Variants in ZNHIT6 observed in about 807,000 individuals in gnomAD.
The protein encoded by ZNHIT6 is zinc finger HIT-type containing 6, also known as box C/D snoRNA protein 1.
Under a neutral mutation model 57.2 loss-of-function variants are expected in ZNHIT6, and 45 were observed. The observed-to-expected ratio is 0.79, with a 90% confidence interval of 0.62 to 1.01. The LOEUF (loss-of-function observed/expected upper bound fraction) is 1.01, where lower values mean the gene tolerates loss of function less well. ZNHIT6 is among the 50% of genes least tolerant of loss of function. ZNHIT6 has a pLI of 0.00. For synonymous variants in ZNHIT6, 188 were observed against 190.0 expected (o/e 0.99, Z 0.09); for missense variants, 528 against 567.3 (o/e 0.93, Z 0.70).
chr1:85,694,432 A>G (rs991112946), intron 5 of ZNHIT6, among the ~76,000 whole-genome samples: 1 of 151,400 alleles, frequency 6.6e-6, no homozygotes, highest in African/African-American at 2.4e-5. Flanking sequence ...ATTCACTGCA[A>G]AATTTTCAAC....
chr1:85,701,587 T>A (rs923517608), intron 5 of ZNHIT6, among the ~76,000 whole-genome samples: 1 of 152,188 alleles, frequency 6.6e-6, no homozygotes. Flanking sequence ...CAGCTTTTAA[T>A]TGAAATCTTA....
chr1:85,670,660 C>T (rs1016959405), intron 8 of ZNHIT6, among the ~76,000 whole-genome samples: 1 of 152,144 alleles, frequency 6.6e-6, no homozygotes, highest in Non-Finnish European at 1.5e-5. Context: ...AAATGCAAAA[C>T]ACTTTTAAGG....
At chr1:85,704,398 T>A (rs1662620556) in intron 4 of ZNHIT6, among the ~76,000 whole-genome samples, 1 of 152,044 alleles carries the variant, frequency 6.6e-6, no homozygotes. Context: ...CGTAAACAAA[T>A]TGTGGTACAG....
At chr1:85,698,667 C>T (rs931114135) in intron 5 of ZNHIT6, among the ~76,000 whole-genome samples, 1 of 152,056 alleles carries the variant, frequency 6.6e-6, no homozygotes, top group East Asian at 1.9e-4. Flanking sequence ...AATCTTAGGA[C>T]AAGACCAACT....
intron 9 of ZNHIT6, among the ~76,000 whole-genome samples, chr1:85,657,213 CT>C (rs1661084264): frequency 6.6e-6 from 1 of 151,966 alleles, no homozygotes. Flanking sequence ...ATGTACTAAA[CT>C]TTTATGTACA....
At chr1:85,696,815 C>A (rs923697568) in intron 5 of ZNHIT6, among the ~76,000 whole-genome samples, 3 of 151,408 alleles carry the variant, frequency 2.0e-5, no homozygotes, top group African/African-American at 7.3e-5. Context: ...CAGCTAAATA[C>A]CATGTATGTA....
In ZNHIT6 at chr1:85,675,173, C is replaced by G. The variant is rs139975412; in HGVS notation, c.1247+2063G>C. ...ATCAGGATACCCAGAGACCACAACT[C>G]AGAAAGCTACAAGTCAAAACATTAA... On this transcript the variant is annotated intron_variant, in intron 8 of 9. Coordinates refer to ENST00000370574, the MANE Select transcript of ZNHIT6 (RefSeq NM_017953.4). Among the ~76,000 whole-genome samples the G allele has an allele frequency of 6.9e-4, 105 of 152,278 alleles. 1 individual carries two copies. Among genetic ancestry groups the G allele is most frequent in the African/African-American group, 2.4e-3 (98 of 41,554 alleles).
Position 85,707,714 on chromosome 1 carries a change from T to C in ZNHIT6, c.571A>G (p.Lys191Glu), listed in dbSNP as rs1662730020. The C allele has an allele frequency of 3.1e-6, 5 of 1,611,546 alleles. No homozygotes were observed. In the East Asian group the frequency reaches 1.1e-4, roughly 36 times the overall value. Residue 191 changes from lysine to glutamate, a missense_variant, in exon 1 of 10, where the codon AAA (lysine) becomes GAA (glutamate). Coordinates refer to ENST00000370574, the MANE Select transcript of ZNHIT6 (RefSeq NM_017953.4). ...ACCTTTGTATCATCCACGATTTCTTTCTTCAGGAAATCCTTCTCTTCTTTT... is the reference window on the plus strand; with the variant it reads ...ACCTTTGTATCATCCACGATTTCTTCCTTCAGGAAATCCTTCTCTTCTTTT... ...CVKEEKDFLK[K>E]EIVDDTKVKE...
At chr1:85,658,057 T>C (rs1316317580) in intron 8 of ZNHIT6, 86 bp from the exon 9 acceptor site, 2 of 947,508 alleles carry the variant, frequency 2.1e-6, no homozygotes. Context: ...GTATTTTACA[T>C]TAAAAATTTT....
chr1:85,668,250 A>G (rs1201615103), intron 8 of ZNHIT6, among the ~76,000 whole-genome samples: 1 of 151,982 alleles, frequency 6.6e-6, no homozygotes, highest in Non-Finnish European at 1.5e-5. Context: ...ATTTTTGAAA[A>G]ACATCTCAAC....
chr1:85,679,646 A>G (rs1661812027), intron 6 of ZNHIT6, among the ~76,000 whole-genome samples: 1 of 147,400 alleles, frequency 6.8e-6, no homozygotes, highest in African/African-American at 2.5e-5. Flanking sequence ...GTGCAGTGGC[A>G]TGATCTTGGC....
chr1:85,703,280 T>C (rs1419249337), intron 4 of ZNHIT6, among the ~76,000 whole-genome samples: 1 of 152,202 alleles, frequency 6.6e-6, no homozygotes, highest in Admixed American at 6.5e-5. Flanking sequence ...TTAGCAGTTA[T>C]GGCTATGGAC....
At chr1:85,655,333 G>T (rs1661032083) in intron 9 of ZNHIT6, among the ~76,000 whole-genome samples, 1 of 152,130 alleles carries the variant, frequency 6.6e-6, no homozygotes, top group East Asian at 1.9e-4. Flanking sequence ...AATGAGGAAA[G>T]GTGAGCGAGG....
chr1:85,658,600 G>A (rs1305227785), intron 8 of ZNHIT6, among the ~76,000 whole-genome samples: 3 of 151,938 alleles, frequency 2.0e-5, no homozygotes, highest in African/African-American at 7.3e-5. Context: ...GGCCGGGCAC[G>A]GTGGCTCACA....
intron 5 of ZNHIT6, among the ~76,000 whole-genome samples, chr1:85,691,001 G>A (rs142849112): frequency 6.6e-6 from 1 of 152,138 alleles, no homozygotes; most frequent in Non-Finnish European, 1.5e-5. Context: ...ACTCCAGCCT[G>A]GGTGACAGAC....
At chr1:85,680,410 C>A (rs964808755) in intron 6 of ZNHIT6, among the ~76,000 whole-genome samples, 1 of 152,184 alleles carries the variant, frequency 6.6e-6, no homozygotes, top group Non-Finnish European at 1.5e-5. Flanking sequence ...TAACAACCAC[C>A]CAGCTGAAGA....
intron 8 of ZNHIT6, among the ~76,000 whole-genome samples, chr1:85,667,726 A>G (rs1161322883): frequency 6.6e-6 from 1 of 150,790 alleles, no homozygotes; most frequent in Non-Finnish European, 1.5e-5. Context: ...TGAGGCCAGC[A>G]GTTTGAGACC....
rs553104384 is a variant in ZNHIT6, at chr1:85,701,880, CA to C, written c.1019+276del. Among the ~76,000 whole-genome samples the C allele has an allele frequency of 5.0e-3, 757 of 152,168 alleles. 2 individuals carry two copies. The highest frequency in any genetic ancestry group is 7.5e-3 in the Non-Finnish European group (507 of 68,008). On this transcript the variant is annotated intron_variant, in intron 5 of 9. Coordinates refer to ENST00000370574, the MANE Select transcript of ZNHIT6 (RefSeq NM_017953.4). ...GAAAAATCACAACAAGCATACTTAA[CA>C]AGATGCCTAGGTGACTGGTATGCAC...
At chr1:85,698,195 C>A (rs559840174) in intron 5 of ZNHIT6, among the ~76,000 whole-genome samples, 2 of 152,316 alleles carry the variant, frequency 1.3e-5, no homozygotes, top group African/African-American at 4.8e-5. Flanking sequence ...CTCTAAAATT[C>A]ATCCTCATTG....
Sources: allele counts gnomAD v4.1 joint callset (sites outside exome capture counted in the v4.1 genomes callset), GRCh38; gene constraint gnomAD v4.1.1; transcripts MANE v1.5; gene names NCBI Gene and HGNC (gene_info 2026-07-23, HGNC 2026-07-21).